The following TSPAN18 variants were observed in gnomAD, a reference collection of about 807,000 sequenced individuals.
TSPAN18 encodes tetraspanin 18.
Under a neutral mutation model 27.3 loss-of-function variants are expected in TSPAN18, and 14 were observed. That is an observed-to-expected ratio of 0.51 (90% confidence interval 0.34 to 0.80). The LOEUF (loss-of-function observed/expected upper bound fraction) is 0.80, where lower values mean the gene tolerates loss of function less well. Ranked by LOEUF, TSPAN18 falls within the 30% of genes least tolerant of loss-of-function variation. The pLI is 0.01. For synonymous variants in TSPAN18, 143 were observed against 136.5 expected (o/e 1.05, Z -0.33); for missense variants, 268 against 323.9 (o/e 0.83, Z 1.32).
At chr11:44,763,822 G>A (rs1461833420) in intron 1 of TSPAN18, among the ~76,000 whole-genome samples, 1 of 152,126 alleles carries the variant, frequency 6.6e-6, no homozygotes, top group Non-Finnish European at 1.5e-5. Flanking sequence ...GCTTTGTGGG[G>A]CTGGTGCTTA....
chr11:44,895,029 A>G (rs1858993152), intron 3 of TSPAN18, among the ~76,000 whole-genome samples: 1 of 152,216 alleles, frequency 6.6e-6, no homozygotes, highest in Non-Finnish European at 1.5e-5. Flanking sequence ...AAATGGGATA[A>G]TAATAATACC....
chr11:44,879,077 G>A (rs1040411580), intron 3 of TSPAN18, among the ~76,000 whole-genome samples: 1 of 152,304 alleles, frequency 6.6e-6, no homozygotes, highest in East Asian at 1.9e-4. Flanking sequence ...TTGCCATCTT[G>A]AAATTCTTAA....
chr11:44,879,451 G>A (rs930487269), intron 3 of TSPAN18, among the ~76,000 whole-genome samples: 13 of 152,348 alleles, frequency 8.5e-5, no homozygotes, highest in South Asian at 2.1e-4. Flanking sequence ...GATGGAGCGC[G>A]TGGGGTTTTG....
chr11:44,855,721 C>T (rs1298769998), intron 2 of TSPAN18, among the ~76,000 whole-genome samples: 1 of 151,970 alleles, frequency 6.6e-6, no homozygotes, highest in Non-Finnish European at 1.5e-5. Flanking sequence ...CTACCCTCAG[C>T]CTGTCAGACT....
At chr11:44,828,414 C>G (rs972091591) in intron 2 of TSPAN18, among the ~76,000 whole-genome samples, 7 of 152,056 alleles carry the variant, frequency 4.6e-5, no homozygotes, top group African/African-American at 1.7e-4. Flanking sequence ...AATTCTGATT[C>G]GTCTAGAATG....
At chr11:44,918,130 G>T in intron 6 of TSPAN18, 84 bp downstream of exon 6, 4 of 1,414,508 alleles carry the variant, frequency 2.8e-6, no homozygotes, top group Non-Finnish European at 4.0e-6. Context: ...TCCCCTCCTT[G>T]AAGGGTCTCA....
At chr11:44,921,911 A>G (rs1860151390) in intron 8 of TSPAN18, among the ~76,000 whole-genome samples, 1 of 152,118 alleles carries the variant, frequency 6.6e-6, no homozygotes. Flanking sequence ...TCAAAATCAG[A>G]GCTCATCAGA....
At chr11:44,910,880 G>A (rs1258766267) in intron 5 of TSPAN18, among the ~76,000 whole-genome samples, 1 of 152,156 alleles carries the variant, frequency 6.6e-6, no homozygotes, top group African/African-American at 2.4e-5. Context: ...TCCCCTAAGG[G>A]TGTGCCTCCC....
At chr11:44,807,192 TAAAAAAAAAAAAAAAAAAA>T (rs1046665098) in intron 2 of TSPAN18, among the ~76,000 whole-genome samples, 24 of 67,336 alleles carry the variant, frequency 3.6e-4, no homozygotes, top group African/African-American at 2.0e-3. Flanking sequence ...CCCTGTCTCT[TAAAAAAAAAAAAAAAAAAA>T]AAAAAAAAAA....
At chr11:44,742,445 A>T (rs571455647) in intron 1 of TSPAN18, among the ~76,000 whole-genome samples, 1 of 147,922 alleles carries the variant, frequency 6.8e-6, no homozygotes, top group Non-Finnish European at 1.5e-5. Context: ...TGTGCACTAG[A>T]CTTTTGCCGA....
At chr11:44,809,971 A>G (rs912807214) in intron 2 of TSPAN18, among the ~76,000 whole-genome samples, 3 of 152,148 alleles carry the variant, frequency 2.0e-5, no homozygotes, top group Non-Finnish European at 4.4e-5. Context: ...AAACGGCGCA[A>G]AAATGATTAC....
chr11:44,790,343 G>A (rs1486367813), intron 2 of TSPAN18, among the ~76,000 whole-genome samples: 3 of 151,132 alleles, frequency 2.0e-5, no homozygotes, highest in Non-Finnish European at 4.4e-5. Flanking sequence ...ATGTGTGCAT[G>A]TGTTGGTGTG....
chr11:44,857,840 C>T (rs1041258297), intron 2 of TSPAN18, among the ~76,000 whole-genome samples: 2 of 152,108 alleles, frequency 1.3e-5, no homozygotes, highest in African/African-American at 2.4e-5. Flanking sequence ...CACACTGAAT[C>T]CCTCCCCCCG....
intron 2 of TSPAN18, among the ~76,000 whole-genome samples, chr11:44,814,636 G>A (rs975318532): frequency 1.3e-5 from 2 of 150,858 alleles, no homozygotes; most frequent in Non-Finnish European, 3.0e-5. Context: ...GGGTCCCAGA[G>A]GGAGTTGGTG....
intron 3 of TSPAN18, among the ~76,000 whole-genome samples, chr11:44,894,526 C>T (rs1047735972): frequency 3.3e-5 from 5 of 152,204 alleles, no homozygotes; most frequent in Non-Finnish European, 5.9e-5. Context: ...TCTTCTTAAT[C>T]AGAGAGCCCC....
rs1044570639 is a variant in TSPAN18, at chr11:44,923,694, G to C, written c.616-2980G>C. On this transcript the variant is annotated intron_variant, in intron 8 of 9. Transcript: ENST00000520358. ...TGCTCCTCCCTCCCTTTTCTTGTGG[G>C]TAAAATGCAGGTAAGACCCCTCCTC... Among the ~76,000 whole-genome samples, 12 of 152,136 alleles carry C rather than the reference G, an allele frequency of 7.9e-5. No individual in the cohort carries two copies. In the East Asian group the frequency reaches 2.3e-3, roughly 29 times the overall value.
chr11:44,898,068 A>G (rs570760596), intron 3 of TSPAN18, among the ~76,000 whole-genome samples: 35 of 152,312 alleles, frequency 2.3e-4, no homozygotes, highest in South Asian at 1.2e-3. Context: ...ATAATTGAGG[A>G]CCCACTATGT....
chr11:44,850,203 C>T (rs1857568467), intron 2 of TSPAN18, among the ~76,000 whole-genome samples: 1 of 152,220 alleles, frequency 6.6e-6, no homozygotes, highest in Non-Finnish European at 1.5e-5. Flanking sequence ...CCCGACATGG[C>T]TGATTTATTC....
intron 8 of TSPAN18, among the ~76,000 whole-genome samples, chr11:44,922,214 T>G (rs749570772): frequency 1.1e-4 from 17 of 151,444 alleles, no homozygotes; most frequent in Admixed American, 2.6e-4. Context: ...CCTCCAGGGT[T>G]CAAGTGTTTC....
Sources: gnomAD v4.1 joint callset for allele counts (sites outside exome capture counted in the v4.1 genomes callset) on GRCh38, gnomAD v4.1.1 for gene constraint, MANE v1.5 for transcripts, NCBI Gene and HGNC (gene_info 2026-07-23, HGNC 2026-07-21) for gene names.